Variants in HERC2 observed in about 807,000 individuals in gnomAD.
The protein encoded by HERC2 is E3 ubiquitin-protein ligase HERC2.
Under a neutral mutation model 537.7 loss-of-function variants are expected in HERC2, and 102 were observed. The ratio of observed to expected loss-of-function variants is 0.19; its 90% CI spans 0.16 to 0.22. The LOEUF (loss-of-function observed/expected upper bound fraction) is 0.22, where lower values mean the gene tolerates loss of function less well. Ranked by LOEUF, HERC2 falls within the 10% of genes least tolerant of loss-of-function variation. HERC2 has a pLI of 1.00. For synonymous variants in HERC2, 2,224 were observed against 2,466.2 expected (o/e 0.90, Z 2.91); for missense variants, 4,236 against 6,198.2 (o/e 0.68, Z 10.63).
intron 66 of HERC2, 93 bp downstream of exon 66, chr15:28,169,391 C>A: frequency 1.1e-6 from 1 of 893,664 alleles, no homozygotes; most frequent in African/African-American, 1.7e-5. Context: ...ATACAACATT[C>A]TTGGAGACAT....
chr15:28,166,702 G>GA (rs1894172268), intron 68 of HERC2, among the ~76,000 whole-genome samples: 1 of 151,606 alleles, frequency 6.6e-6, no homozygotes. Flanking sequence ...GGATCCCAAT[G>GA]ACCAGTCCAC....
intron 45 of HERC2, among the ~76,000 whole-genome samples, chr15:28,205,926 T>C (rs1336885437): frequency 2.0e-4 from 30 of 150,422 alleles, no homozygotes; most frequent in African/African-American, 6.9e-4. Flanking sequence ...CGAGCCTCTT[T>C]GAATAATTCT....
chr15:28,251,170 C>G (rs2075064897), intron 20 of HERC2, among the ~76,000 whole-genome samples: 1 of 152,174 alleles, frequency 6.6e-6, no homozygotes, highest in Non-Finnish European at 1.5e-5. Flanking sequence ...TGGCCAGGTG[C>G]AGTGGCTCAC....
intron 20 of HERC2, among the ~76,000 whole-genome samples, chr15:28,252,263 A>G (rs2075107795): frequency 6.6e-6 from 1 of 152,056 alleles, no homozygotes; most frequent in Non-Finnish European, 1.5e-5. Flanking sequence ...GCATAGTTGC[A>G]GGTCAAACAG....
chr15:28,167,933 T>C, intron 67 of HERC2, 106 bp from the exon 68 acceptor site: 2 of 1,238,666 alleles, frequency 1.6e-6, no homozygotes, highest in South Asian at 1.5e-5. Flanking sequence ...ACTTGGGCTG[T>C]TTAGAATGTT....
Position 28,178,428 on chromosome 15 carries a change from T to C in HERC2, c.9163+459A>G, listed in dbSNP as rs1253834173. 2.0e-5 allele frequency among the ~76,000 whole-genome samples: 3 copies of C among 152,208 alleles called. 1 individual carries two copies. Among genetic ancestry groups the C allele is most frequent in the South Asian group, 4.1e-4 (2 of 4,828 alleles). ...TTTACAAAGGAGAAAAGTAAAACTC[T>C]ATATTGCTTAAGCCACCATCATTTG... On this transcript the variant is annotated intron_variant, in intron 59 of 92. Coordinates refer to ENST00000261609, the MANE Select transcript of HERC2 (RefSeq NM_004667.6).
At chr15:28,280,549 C>G (rs539904889) in intron 4 of HERC2, among the ~76,000 whole-genome samples, 2 of 152,060 alleles carry the variant, frequency 1.3e-5, no homozygotes, top group African/African-American at 4.8e-5. Context: ...CAGAGGAGTG[C>G]GGCACATGAC....
At chr15:28,166,447 T>A (rs1158234557) in intron 68 of HERC2, among the ~76,000 whole-genome samples, 1 of 152,200 alleles carries the variant, frequency 6.6e-6, no homozygotes, top group East Asian at 1.9e-4. Context: ...TGTTCATGTG[T>A]ATAGGTCTAT....
At chr15:28,142,101 T>A (rs1891283073) in intron 76 of HERC2, 137 bp downstream of exon 76, 1 of 921,212 alleles carries the variant, frequency 1.1e-6, no homozygotes, top group African/African-American at 1.7e-5. Context: ...TTCACTCATT[T>A]TCACCTATGT....
At chr15:28,292,777 T>C (rs766852290) in intron 4 of HERC2, 111 bp downstream of exon 4, 2 of 1,125,420 alleles carry the variant, frequency 1.8e-6, no homozygotes, top group African/African-American at 3.2e-5. Flanking sequence ...TTAAATTTTT[T>C]ATTTACTTTT....
intron 70 of HERC2, among the ~76,000 whole-genome samples, chr15:28,149,093 A>C (rs1466544110): frequency 6.6e-6 from 1 of 152,112 alleles, no homozygotes; most frequent in Admixed American, 6.6e-5. Flanking sequence ...AACATCACCA[A>C]GAACAGCCAC....
intron 5 of HERC2, among the ~76,000 whole-genome samples, chr15:28,277,938 C>A (rs541915104): frequency 4.1e-4 from 63 of 152,148 alleles, no homozygotes; most frequent in African/African-American, 1.5e-3. Flanking sequence ...TTGCATATAA[C>A]CTGTGCACAT....
chr15:28,211,459 G>A (rs1899220300), intron 43 of HERC2, among the ~76,000 whole-genome samples: 1 of 152,058 alleles, frequency 6.6e-6, no homozygotes, highest in Admixed American at 6.5e-5. Flanking sequence ...TCCCCAAGTT[G>A]CTGAAGTTTC....
rs555914927 is a variant in HERC2 at position 28,200,381 on chromosome 15, C to A, written c.7716+1075G>T. Among the ~76,000 whole-genome samples, 9 of 151,766 alleles carry A rather than the reference C, an allele frequency of 5.9e-5. No homozygotes were observed. The East Asian group carries it at 1.7e-3, about 29-fold the overall frequency. On this transcript the variant is annotated intron_variant, in intron 48 of 92. Coordinates refer to ENST00000261609, the MANE Select transcript of HERC2 (RefSeq NM_004667.6). The stretch of plus-strand genomic sequence containing the variant: ...CTGCACTCCAGCCTGGGTGACAGAG[C>A]GAGACTCTGCCTCAAAAAACAAACA...
intron 36 of HERC2, 37 bp from the exon 37 acceptor site, chr15:28,220,681 C>G (rs376970711): frequency 1.5e-4 from 229 of 1,553,936 alleles, no homozygotes; most frequent in Non-Finnish European, 1.9e-4. Context: ...TAGGAGGGTG[C>G]GTAACCTGCC....
At chr15:28,245,618 CACACACATATATGT>C (rs1311930597) in intron 23 of HERC2, among the ~76,000 whole-genome samples, 3 of 148,696 alleles carry the variant, frequency 2.0e-5, no homozygotes, top group African/African-American at 7.6e-5. Flanking sequence ...TATATATATA[CACACACATATATGT>C]ACACACATAT....
At chr15:28,190,173 T>G (rs1896711320) in intron 55 of HERC2, 1 of 145,276 alleles carries the variant, frequency 6.9e-6, no homozygotes, top group African/African-American at 2.6e-5. Flanking sequence ...TACGCCCGGC[T>G]AATTTTTTTT....
intron 35 of HERC2, among the ~76,000 whole-genome samples, chr15:28,224,099 TAACAC>T (rs1188897239): frequency 2.0e-5 from 3 of 150,790 alleles, no homozygotes; most frequent in African/African-American, 4.9e-5. Flanking sequence ...AATATATATT[TAACAC>T]AACATATAAA....
chr15:28,272,738 G>C (rs889170909), intron 8 of HERC2, among the ~76,000 whole-genome samples, 156 bp downstream of exon 8: 2 of 152,154 alleles, frequency 1.3e-5, no homozygotes, highest in African/African-American at 4.8e-5. Flanking sequence ...AGGAAGTGAA[G>C]AAAAGGTAAA....
Sources: allele counts gnomAD v4.1 joint callset (sites outside exome capture counted in the v4.1 genomes callset), GRCh38; gene constraint gnomAD v4.1.1; transcripts MANE v1.5; gene names NCBI Gene and HGNC (gene_info 2026-07-23, HGNC 2026-07-21).